Variants in CSMD1 observed in about 807,000 individuals in gnomAD.
CSMD1 encodes CUB and sushi domain-containing protein 1.
Under a neutral mutation model 417.5 loss-of-function variants are expected in CSMD1, and 213 were observed. That is an observed-to-expected ratio of 0.51 (90% CI 0.46 to 0.57). The LOEUF is 0.57. Among genes scored for constraint, CSMD1 ranks in the 20% least tolerant of loss-of-function variants. CSMD1 has a pLI of 0.00. For synonymous variants in CSMD1, 2,862 were observed against 1,736.8 expected, an observed-to-expected ratio of 1.65 and a Z score of -16.11; for missense variants, 6,923 against 4,529.7, an observed-to-expected ratio of 1.53 and a Z score of -15.17.
chr8:4,404,560 A>G (rs984025138), intron 3 of CSMD1, among the ~76,000 whole-genome samples: 1 of 152,172 alleles, frequency 6.6e-6, no homozygotes, highest in African/African-American at 2.4e-5. Context: ...AAATATGAAC[A>G]TTTTTAAAAC....
rs1466859849 is a variant in CSMD1 at position 3,263,264 on chromosome 8, A to G, written c.4153+20880T>C. ...CAGGTGTGTGCCACCACATCTGGCT[A>G]ATTTTTGTGTTTTTAGATAAAATGG... On this transcript the variant is annotated intron_variant, in intron 26 of 69. Transcript: ENST00000635120. Among the ~76,000 whole-genome samples the G allele has an allele frequency of 2.0e-5, 3 of 152,058 alleles. No individual in the cohort carries two copies. In the East Asian group the frequency reaches 5.8e-4, roughly 29 times the overall value.
intron 11 of CSMD1, among the ~76,000 whole-genome samples, chr8:3,486,275 T>TA (rs1478165501): frequency 6.6e-6 from 1 of 152,042 alleles, no homozygotes; most frequent in Non-Finnish European, 1.5e-5. Flanking sequence ...TTAAAACTAT[T>TA]TTTTATCTAC....
At chr8:4,252,819 T>G (rs925995272) in intron 3 of CSMD1, among the ~76,000 whole-genome samples, 1 of 152,212 alleles carries the variant, frequency 6.6e-6, no homozygotes, top group Non-Finnish European at 1.5e-5. Flanking sequence ...ATGCCAAGGA[T>G]GCACCAGTGA....
At chr8:4,945,448 A>AT (rs1808302433) in intron 1 of CSMD1, among the ~76,000 whole-genome samples, 1 of 152,008 alleles carries the variant, frequency 6.6e-6, no homozygotes, top group African/African-American at 2.4e-5. Context: ...ACATCCCAGC[A>AT]TTTTGGGAAG....
At chr8:4,415,809 G>A (rs1796902298) in intron 3 of CSMD1, among the ~76,000 whole-genome samples, 1 of 152,082 alleles carries the variant, frequency 6.6e-6, no homozygotes, top group East Asian at 1.9e-4. Context: ...ACATGTATGT[G>A]CATTTTTGAG....
chr8:4,319,415 T>C (rs1201075445), intron 3 of CSMD1, among the ~76,000 whole-genome samples: 1 of 152,150 alleles, frequency 6.6e-6, no homozygotes, highest in Admixed American at 6.6e-5. Context: ...ACGTGAGCCC[T>C]AACCAATATA....
chr8:3,268,621 G>A (rs1054340524), intron 26 of CSMD1, among the ~76,000 whole-genome samples: 6 of 151,978 alleles, frequency 3.9e-5, no homozygotes, highest in Admixed American at 1.3e-4. Context: ...TTGGTGACTG[G>A]CATTTTTTGT....
At chr8:3,039,097 G>C (rs1433896257) in intron 50 of CSMD1, among the ~76,000 whole-genome samples, 1 of 152,174 alleles carries the variant, frequency 6.6e-6, no homozygotes, top group Non-Finnish European at 1.5e-5. Context: ...GGTACTTAGA[G>C]AAAGTGGGTG....
At chr8:3,422,711 G>C (rs556354295) in intron 12 of CSMD1, among the ~76,000 whole-genome samples, 3 of 152,180 alleles carry the variant, frequency 2.0e-5, no homozygotes, top group African/African-American at 7.2e-5. Context: ...CATCGTCTTA[G>C]TCCCCTTGTG....
At chr8:4,605,626 A>G (rs1178006232) in intron 2 of CSMD1, among the ~76,000 whole-genome samples, 1 of 152,344 alleles carries the variant, frequency 6.6e-6, no homozygotes, top group African/African-American at 2.4e-5. Context: ...GACCTTTCCT[A>G]GTATCTTCCT....
chr8:4,330,938 A>T (rs888854829), intron 3 of CSMD1, among the ~76,000 whole-genome samples: 9 of 151,992 alleles, frequency 5.9e-5, no homozygotes, highest in Non-Finnish European at 1.2e-4. Flanking sequence ...ACTTTTCCCC[A>T]TGTTCATTTT....
chr8:4,751,858 T>C (rs1038529699), intron 1 of CSMD1, among the ~76,000 whole-genome samples: 2 of 152,254 alleles, frequency 1.3e-5, no homozygotes, highest in Non-Finnish European at 2.9e-5. Context: ...AATAGTGCAT[T>C]GGTGTGCAGT....
intron 5 of CSMD1, among the ~76,000 whole-genome samples, chr8:3,932,142 G>C (rs917413568): frequency 6.7e-6 from 1 of 150,106 alleles, no homozygotes; most frequent in African/African-American, 2.5e-5. Context: ...TATATATTGA[G>C]GACAGTGCTG....
intron 3 of CSMD1, among the ~76,000 whole-genome samples, chr8:4,264,168 C>G (rs1055364762): frequency 6.6e-6 from 1 of 152,144 alleles, no homozygotes; most frequent in African/African-American, 2.4e-5. Context: ...GGGCACTATG[C>G]AGAAGCTGTT....
chr8:3,346,660 C>T (rs1466717386), intron 22 of CSMD1, among the ~76,000 whole-genome samples: 1 of 152,188 alleles, frequency 6.6e-6, no homozygotes, highest in Non-Finnish European at 1.5e-5. Flanking sequence ...TTGCACATAA[C>T]TTCTAATGAG....
At position 4,259,425 on chromosome 8, in the gene CSMD1, C is replaced by G. The variant is rs114899485; in HGVS notation, c.415+160528G>C. 6.4e-3 allele frequency among the ~76,000 whole-genome samples: 978 copies of G among 152,168 alleles called. 19 individuals carry two copies. The highest frequency in any genetic ancestry group is 0.023 in the African/African-American group (948 of 41,500). On this transcript the variant is annotated intron_variant, in intron 3 of 69. Coordinates refer to ENST00000635120, the MANE Select transcript of CSMD1 (RefSeq NM_033225.6). ...AGCTTCATTCATTTCATAATTATACCAGGACCCATCCCAGCGCTATGAAAA... is the reference window on the plus strand; with the variant it reads ...AGCTTCATTCATTTCATAATTATACGAGGACCCATCCCAGCGCTATGAAAA...
In CSMD1 at chr8:4,031,963, G is replaced by C. The variant is rs777150683; in HGVS notation, c.552C>G (p.Thr184=). 15 of 1,613,978 alleles carry C rather than the reference G, an allele frequency of 9.3e-6. No homozygotes were observed. The highest frequency in any genetic ancestry group is 6.7e-5 in the African/African-American group (5 of 75,034). Residue 184 remains threonine, a synonymous_variant, in exon 4 of 70, where the codon ACC becomes ACG. Coordinates refer to ENST00000635120, the MANE Select transcript of CSMD1 (RefSeq NM_033225.6). ...GYILEGHAIL[T]CIVSPGNGAS... ...CACCATTTCCTGGGCTGACGATGCA[G>C]GTCAGGATGGCGTGGCCTTCCAAGA...
chr8:3,659,076 C>A (rs1345683652), intron 7 of CSMD1, among the ~76,000 whole-genome samples: 3 of 152,118 alleles, frequency 2.0e-5, no homozygotes, highest in Non-Finnish European at 4.4e-5. Context: ...GTTCTAATTT[C>A]CGAAATGGTA....
At chr8:3,316,254 G>C (rs901595365) in intron 23 of CSMD1, among the ~76,000 whole-genome samples, 4 of 152,134 alleles carry the variant, frequency 2.6e-5, no homozygotes, top group African/African-American at 9.7e-5. Flanking sequence ...ACATCACCAT[G>C]TGCCCTGTGC....
Sources: allele counts gnomAD v4.1 joint callset (sites outside exome capture counted in the v4.1 genomes callset), GRCh38; gene constraint gnomAD v4.1.1; transcripts MANE v1.5; gene names NCBI Gene and HGNC (gene_info 2026-07-23, HGNC 2026-07-21).